Variants in SAA2 observed in about 807,000 individuals in gnomAD.
SAA2 encodes serum amyloid A2.
Under a neutral mutation model 9.1 loss-of-function variants are expected in SAA2, and 5 were observed. The observed-to-expected ratio is 0.55, with a 90% CI of 0.29 to 1.16. SAA2 has a LOEUF of 1.16. SAA2 is among the 50% of genes most tolerant of loss of function. SAA2 has a pLI of 0.09. For synonymous variants in SAA2, 49 were observed against 59.8 expected (o/e 0.82, Z 0.83); for missense variants, 94 against 153.8 (o/e 0.61, Z 2.06).
chr11:18,240,123 A>C, intron 3 of SAA2: 1 of 1,097,988 alleles, frequency 9.1e-7, no homozygotes. Context: ...GGGAATGTAC[A>C]CAAATTTTTT....
At chr11:18,242,369 T>A (rs1193501704), downstream of SAA2, 1 of 158,880 alleles carries the variant, frequency 6.3e-6, no homozygotes, top group African/African-American at 2.4e-5. Context: ...GGGAGGCAAA[T>A]CTGTCCTTCC....
chr11:18,243,788 T>C (rs1260494009), downstream of SAA2, among the ~76,000 whole-genome samples: 1 of 152,206 alleles, frequency 6.6e-6, no homozygotes, highest in African/African-American at 2.4e-5. Context: ...TTAGGAGTCC[T>C]CCTCAATCCT....
At chr11:18,239,555 C>T (rs559454610) in exon 4 of SAA2, 11 of 398,454 alleles carry the variant, frequency 2.8e-5, no homozygotes, top group Admixed American at 1.3e-4. Flanking sequence ...ACCACCTTCA[C>T]GAGATAGTCA....
chr11:18,240,889 A>G (rs1025428389), downstream of SAA2, among the ~76,000 whole-genome samples: 1 of 152,082 alleles, frequency 6.6e-6, no homozygotes, highest in Non-Finnish European at 1.5e-5. Flanking sequence ...TAAACTAAAA[A>G]CTTCTGCACA....
chr11:18,239,338 T>C (rs1249547622), exon 4 of SAA2: 1 of 179,036 alleles, frequency 5.6e-6, no homozygotes. Context: ...TGAGGCTTTC[T>C]TCAATGTATT....
intron 2 of SAA2, among the ~76,000 whole-genome samples, chr11:18,247,178 G>A (rs1219913792): frequency 2.6e-4 from 39 of 152,242 alleles, no homozygotes; most frequent in African/African-American, 8.0e-4. Flanking sequence ...AAATGCTGTG[G>A]TCCTTGTGGG....
downstream of SAA2, among the ~76,000 whole-genome samples, chr11:18,244,853 A>C (rs564142511): frequency 6.6e-6 from 1 of 152,354 alleles, no homozygotes; most frequent in African/African-American, 2.4e-5. Flanking sequence ...GTTGCTGAGA[A>C]ATGAAAGGAA....
downstream of SAA2, chr11:18,242,033 A>G (rs1857360610): frequency 2.0e-5 from 3 of 152,234 alleles, no homozygotes; most frequent in Admixed American, 1.3e-4. Context: ...CTCAATTTGC[A>G]TGTAGCATGA....
downstream of SAA2, among the ~76,000 whole-genome samples, chr11:18,241,572 G>T (rs115258304): frequency 2.8e-3 from 422 of 152,242 alleles, 2 homozygotes; most frequent in African/African-American, 9.4e-3. Context: ...ATACTATTCA[G>T]CCATTAAAAA....
intron 2 of SAA2, among the ~76,000 whole-genome samples, chr11:18,246,485 C>T (rs373988262): frequency 1.7e-4 from 26 of 152,310 alleles, no homozygotes; most frequent in African/African-American, 6.3e-4. Context: ...CTGTGGGTTG[C>T]TTGAGGAAGC....
At chr11:18,241,597 C>A (rs1421325034), downstream of SAA2, among the ~76,000 whole-genome samples, 1 of 152,108 alleles carries the variant, frequency 6.6e-6, no homozygotes. Flanking sequence ...GAAATCGTAT[C>A]TTTTGCTGCA....
At chr11:18,242,327 A>T (rs1857370893), downstream of SAA2, 1 of 153,570 alleles carries the variant, frequency 6.5e-6, no homozygotes, top group African/African-American at 2.4e-5. Context: ...ATGAGAGGAG[A>T]TGTCCAACTC....
intron 2 of SAA2, among the ~76,000 whole-genome samples, chr11:18,246,345 A>G (rs1272596463): frequency 6.6e-6 from 1 of 152,214 alleles, no homozygotes; most frequent in Non-Finnish European, 1.5e-5. Context: ...TGGCAGACAC[A>G]GAGTACTTCT....
At chr11:18,244,643 T>C (rs1354224783), downstream of SAA2, among the ~76,000 whole-genome samples, 1 of 152,236 alleles carries the variant, frequency 6.6e-6, no homozygotes, top group Non-Finnish European at 1.5e-5. Context: ...TTCTTCTCTA[T>C]CTGGCTCTCT....
chr11:18,238,783 T>C (rs1857264444), downstream of SAA2, among the ~76,000 whole-genome samples: 8 of 152,040 alleles, frequency 5.3e-5, no homozygotes. Context: ...TGGTACTCAT[T>C]AACCATCCTC....
At chr11:18,241,126 A>G (rs567386869), downstream of SAA2, among the ~76,000 whole-genome samples, 7 of 152,302 alleles carry the variant, frequency 4.6e-5, 1 homozygote, top group African/African-American at 1.7e-4. Context: ...CAACATCACT[A>G]ATCATCAGAG....
Position 18,239,719 on chromosome 11 carries a change from T to C in SAA2, c.*229A>G, listed in dbSNP as rs568662213. On this transcript the variant is annotated 3_prime_UTR_variant, in exon 4 of 4. Coordinates refer to the SAA2 transcript ENST00000414546. The stretch of plus-strand genomic sequence containing the variant: ...GCTGCTCCTTCTCAGTCTGTTTTGC[T>C]GTATCCAGCTTCTCCTCCAAACTTC... The C allele has an allele frequency of 8.6e-6, 4 of 465,772 alleles. No individual in the cohort carries two copies. The Admixed American group carries it at 1.6e-4, about 19-fold the overall frequency. 28.9% of individuals were successfully genotyped at this position (465,772 alleles called of 1,614,324 possible).
rs111652820 is a variant in SAA2 at position 18,245,673 on chromosome 11, T to C, written c.231-158A>G. 6.7e-3 allele frequency among the ~76,000 whole-genome samples: 1,023 copies of C among 152,270 alleles called. 13 individuals carry two copies. Among genetic ancestry groups the C allele is most frequent in the African/African-American group, 0.023 (957 of 41,554 alleles). ...CTGACCCTGCCTGGGCACTGCCCCA[T>C]TCAGACAGGCTGGGCACCCCTAGGC... On this transcript the variant is annotated intron_variant, in intron 3 of 3. Coordinates refer to ENST00000256733, the MANE Select transcript of SAA2 (RefSeq NM_030754.5).
At chr11:18,247,442 A>G (rs1284180995) in intron 2 of SAA2, among the ~76,000 whole-genome samples, 3 of 147,594 alleles carry the variant, frequency 2.0e-5, no homozygotes, top group Admixed American at 1.4e-4. Flanking sequence ...TACTCAAAAC[A>G]AACAGCTCAG....
Sources: gnomAD v4.1 joint callset for allele counts (sites outside exome capture counted in the v4.1 genomes callset) on GRCh38, gnomAD v4.1.1 for gene constraint, MANE v1.5 for transcripts, NCBI Gene and HGNC (gene_info 2026-07-23, HGNC 2026-07-21) for gene names.